The following FBN3 variants were observed in gnomAD, a reference collection of about 807,000 sequenced individuals.
FBN3 encodes the protein fibrillin-3.
Under a neutral mutation model 330.1 loss-of-function variants are expected in FBN3, and 234 were observed. That is an observed-to-expected ratio of 0.71 (90% CI 0.64 to 0.79). The LOEUF is 0.79. FBN3 is among the 30% of genes least tolerant of loss of function. The probability of loss-of-function intolerance (pLI) is 0.00; values close to 1 mark genes in which losing one functional copy is unlikely to be tolerated. For missense variants in FBN3, 3,606 were observed against 3,886.9 expected (o/e 0.93, Z 1.92); for synonymous variants, 1,458 against 1,517.3 (o/e 0.96, Z 0.91).
rs1336021967 is a variant in FBN3, at chr19:8,096,608, C to T, written c.5414-39G>A. The T allele has an allele frequency of 1.9e-6, 3 of 1,575,408 alleles. No homozygotes were observed. The highest frequency in any genetic ancestry group is 1.7e-6 in the Non-Finnish European group (2 of 1,161,132). ...GAGCATGGTGTTCCCAGGGCTCCTA[C>T]CACAGTGTTTGCCTGAGCTCTCCCT... On this transcript the variant is annotated intron_variant, in intron 43 of 63. Coordinates refer to ENST00000600128, the MANE Select transcript of FBN3 (RefSeq NM_032447.5). The surrounding 1 kb of genome is among the most constrained non-coding windows in gnomAD (Gnocchi z 4.6).
intron 14 of FBN3, among the ~76,000 whole-genome samples, chr19:8,132,098 T>G (rs547956020): frequency 1.3e-5 from 2 of 152,248 alleles, no homozygotes; most frequent in Non-Finnish European, 2.9e-5. Context: ...CAGACTGGAG[T>G]GCAGTGGCGT....
Position 8,131,129 on chromosome 19 carries a change from T to G in FBN3, c.2044+106A>C. 4 of 1,066,834 alleles carry G rather than the reference T, an allele frequency of 3.7e-6. No individual in the cohort carries two copies. The highest frequency in any genetic ancestry group is 5.5e-6 in the Non-Finnish European group (4 of 729,940). 66.1% of individuals were successfully genotyped at this position (1,066,834 alleles called of 1,614,324 possible). On this transcript the variant is annotated intron_variant, in intron 16 of 63. Coordinates refer to ENST00000600128, the MANE Select transcript of FBN3 (RefSeq NM_032447.5). The surrounding 1 kb of genome is among the most constrained non-coding windows in gnomAD (Gnocchi z 4.5). ...TTGAAGCCGTCTGGTCTGGGGCACT[T>G]TGTTACGGGAACCCCGGGCCAACTC...
At chr19:8,145,373 C>CAAAA in intron 5 of FBN3, among the ~76,000 whole-genome samples, 1 of 86,368 alleles carries the variant, frequency 1.2e-5, no homozygotes, top group Admixed American at 1.4e-4. Flanking sequence ...AACTCCATCT[C>CAAAA]AAAAAAAAAA....
Position 8,088,831 on chromosome 19 carries a change from GTGAA to G in FBN3, c.6377-656_6377-653del, listed in dbSNP as rs2082025650. Among the ~76,000 whole-genome samples, 4 of 152,170 alleles carry G rather than the reference GTGAA, an allele frequency of 2.6e-5. No individual in the cohort carries two copies. The South Asian group carries it at 6.2e-4, about 24-fold the overall frequency. ...AATGAATGAGTGAACAAACAAGCAAGTGAATGAATGAGGGAGCAAACGAGTGAAT... is the reference window on the plus strand; with the variant it reads ...AATGAATGAGTGAACAAACAAGCAAGTGAATGAGGGAGCAAACGAGTGAAT... On this transcript the variant is annotated intron_variant, in intron 51 of 63. Transcript: ENST00000600128.
At position 8,138,167 on chromosome 19, in the gene FBN3, C is replaced by G. The variant is rs1307702408; in HGVS notation, c.1175G>C (p.Ser392Thr). Residue 392 changes from serine (S) to threonine (T), a missense_variant, in exon 10 of 64, where the codon AGC becomes ACC. Transcript: ENST00000600128. Reference sequence around the variant, plus strand: ...AATATTAGAGTTGCCAGGGCCCAGGCTGGGGATCCCACGCGCATCAGAGCC... The same window carrying G: ...AATATTAGAGTTGCCAGGGCCCAGGGTGGGGATCCCACGCGCATCAGAGCC... ...PHGSDARGIP[S>T]LGPGNSNIGT... 1 of 1,612,140 alleles carries G rather than the reference C, an allele frequency of 6.2e-7. No individual in the cohort carries two copies. The highest frequency in any genetic ancestry group is 8.5e-7 in the Non-Finnish European group (1 of 1,179,392).
At chr19:8,104,891 C>A (rs1482415948) in intron 38 of FBN3, among the ~76,000 whole-genome samples, 8 of 151,244 alleles carry the variant, frequency 5.3e-5, no homozygotes, top group Non-Finnish European at 1.5e-5. Flanking sequence ...CTTTTCTTTT[C>A]TTCTTTCTTC....
intron 50 of FBN3, 56 bp downstream of exon 50, chr19:8,089,838 G>A (rs1599311164): frequency 1.6e-5 from 25 of 1,546,300 alleles, no homozygotes; most frequent in Admixed American, 5.9e-5. Flanking sequence ...CAGGCAGTGC[G>A]GAGATGGATC....
chr19:8,141,957 T>A lies in FBN3; in HGVS notation c.722A>T (p.His241Leu), dbSNP rs1276259450. 2.5e-6 allele frequency: 4 copies of A among 1,614,124 alleles called. No individual in the cohort carries two copies. Among genetic ancestry groups the A allele is most frequent in the Non-Finnish European group, 2.5e-6 (3 of 1,180,008 alleles). The change falls in exon 7 of 64, where the codon CAC (histidine) becomes CTC (leucine). Residue 241 changes from histidine to leucine, a missense_variant. By Grantham distance (99) the His-to-Leu change is moderately conservative. Transcript: ENST00000600128. ...CTATTCACCTTGGCAGGCCCCCGTG[T>A]GGATATTGGGGATGAAGCCGCGGCG... Reference protein sequence around the residue: ...PCRRGFIPNIHTGACQDVDEC... With the variant: ...PCRRGFIPNILTGACQDVDEC...
Position 8,121,671 on chromosome 19 carries a change from G to A in FBN3, c.3083-285C>T, listed in dbSNP as rs2082855200. Among the ~76,000 whole-genome samples the A allele has an allele frequency of 6.6e-6, 1 of 152,226 alleles. No individual in the cohort carries two copies. The highest frequency in any genetic ancestry group is 1.5e-5 in the Non-Finnish European group (1 of 68,032). On this transcript the variant is annotated intron_variant, in intron 24 of 63. Coordinates refer to ENST00000600128, the MANE Select transcript of FBN3 (RefSeq NM_032447.5). This position sits in a 1 kb window ranked among gnomAD's most constrained non-coding sequence, Gnocchi z 4.5. ...GACAAGGGCAGGCAGTTTTCTCACAGACGGGAGTTCTCCATTTTCTTTATT... is the reference window on the plus strand; with the variant it reads ...GACAAGGGCAGGCAGTTTTCTCACAAACGGGAGTTCTCCATTTTCTTTATT...
intron 59 of FBN3, among the ~76,000 whole-genome samples, chr19:8,078,052 T>C (rs1323663232): frequency 6.6e-6 from 1 of 152,164 alleles, no homozygotes; most frequent in African/African-American, 2.4e-5. Flanking sequence ...ATCTCCAGCC[T>C]GGGCGACAGA....
chr19:8,133,225 A>C lies in FBN3; in HGVS notation c.1592-119T>G, dbSNP rs113985006. On this transcript the variant is annotated intron_variant, in intron 13 of 63. Transcript: ENST00000600128. Reference sequence around the variant, plus strand: ...CCTCCCTGGAGTGTGGGAGGCAAACAAGCTGTGGTTGTCTGTGACTGTGTG... The same window carrying C: ...CCTCCCTGGAGTGTGGGAGGCAAACCAGCTGTGGTTGTCTGTGACTGTGTG... The C allele has an allele frequency of 3.2e-3, 4,054 of 1,261,234 alleles. 110 individuals are homozygous for C. In the African/African-American group the frequency reaches 0.055, roughly 17 times the overall value. 78.1% of individuals were successfully genotyped at this position (1,261,234 alleles called of 1,614,324 possible).
At position 8,067,522 on chromosome 19, in the gene FBN3, A is replaced by G. The variant is rs149702793; in HGVS notation, c.8089-1262T>C. ...AGTACTGGTGTGCACCTGTAGTCCC[A>G]GCTACTTAGGAGGCTGATGTGGGAG... On this transcript the variant is annotated intron_variant, in intron 63 of 63. Coordinates refer to ENST00000600128, the MANE Select transcript of FBN3 (RefSeq NM_032447.5). Among the ~76,000 whole-genome samples the G allele has an allele frequency of 3.3e-4, 51 of 152,296 alleles. 1 individual carries two copies. Among genetic ancestry groups the G allele is most frequent in the Non-Finnish European group, 5.7e-4 (39 of 68,022 alleles).
At chr19:8,143,482 TTTTTC>T (rs1349335347) in intron 6 of FBN3, among the ~76,000 whole-genome samples, 33 of 141,336 alleles carry the variant, frequency 2.3e-4, no homozygotes, top group African/African-American at 8.2e-4. Context: ...CCGTTCTCCT[TTTTTC>T]TTTTCTTTTC....
intron 13 of FBN3, among the ~76,000 whole-genome samples, chr19:8,133,935 A>G (rs544810680): frequency 6.6e-6 from 1 of 151,768 alleles, no homozygotes; most frequent in African/African-American, 2.4e-5. Flanking sequence ...ACATTTAAAA[A>G]AAAAAATGTG....
rs1194995320 is a variant in FBN3, at chr19:8,136,214, T to C, written c.1441A>G (p.Thr481Ala). The C allele has an allele frequency of 1.9e-6, 3 of 1,613,004 alleles. No homozygotes were observed. Among genetic ancestry groups the C allele is most frequent in the East Asian group, 4.5e-5 (2 of 44,872 alleles). Residue 481 changes from threonine to alanine, a missense_variant, in exon 12 of 64, where the codon ACG (threonine) becomes GCG (alanine). Thr to Ala is a moderately conservative substitution (Grantham distance 58). Coordinates refer to ENST00000600128, the MANE Select transcript of FBN3 (RefSeq NM_032447.5). Reference protein sequence around the residue: ...HCRCYPGFQATPTRQACVDVD... With the variant: ...HCRCYPGFQAAPTRQACVDVD... ...CCCACGCATGCCTGCCTGGTGGGCG[T>C]GGCCTGGAAGCCCGGGTAGCACCGG...
intron 36 of FBN3, among the ~76,000 whole-genome samples, chr19:8,108,647 C>T (rs1316355356): frequency 2.0e-5 from 3 of 152,102 alleles, no homozygotes; most frequent in African/African-American, 7.2e-5. Context: ...TGGACAGGTA[C>T]CTCCCTGTTT....
At chr19:8,074,365 G>C (rs1043133760) in intron 61 of FBN3, among the ~76,000 whole-genome samples, 1 of 152,074 alleles carries the variant, frequency 6.6e-6, no homozygotes, top group Non-Finnish European at 1.5e-5. Flanking sequence ...AAAAGGAGGG[G>C]GCAGAGAAGG....
chr19:8,135,936 G>GGGA, intron 13 of FBN3, 25 bp downstream of exon 13: 2 of 668,772 alleles, frequency 3.0e-6, no homozygotes, highest in South Asian at 1.6e-5. Context: ...GGAAGCCCCT[G>GGGA]CCCACCCGCC....
intron 47 of FBN3, 114 bp from the exon 48 acceptor site, chr19:8,091,704 G>C: frequency 1.7e-6 from 2 of 1,201,298 alleles, no homozygotes; most frequent in Non-Finnish European, 2.3e-6. Flanking sequence ...AGGGGCTGCA[G>C]TGGGGCTGGG....
Sources: allele counts gnomAD v4.1 joint callset (sites outside exome capture counted in the v4.1 genomes callset), GRCh38; gene constraint gnomAD v4.1.1; non-coding constraint Gnocchi (gnomAD v3.1); transcripts MANE v1.5; gene names NCBI Gene and HGNC (gene_info 2026-07-23, HGNC 2026-07-21).